The following PZP variants were observed in gnomAD, a reference collection of about 807,000 sequenced individuals.
PZP encodes pregnancy zone protein.
A neutral mutation model predicts 179.8 loss-of-function variants in PZP; 150 were observed. That is an observed-to-expected ratio of 0.83 (90% CI 0.73 to 0.96). The LOEUF (loss-of-function observed/expected upper bound fraction) is 0.96. Among genes scored for constraint, PZP ranks in the 40% least tolerant of loss-of-function variants. The probability of loss-of-function intolerance (pLI) is 0.00; values close to 1 mark genes in which losing one functional copy is unlikely to be tolerated. For synonymous variants in PZP, 624 were observed against 652.3 expected, an observed-to-expected ratio of 0.96 and a Z score of 0.66; for missense variants, 1,689 against 1,764.0, an observed-to-expected ratio of 0.96 and a Z score of 0.76.
At chr12:9,167,656 T>C (rs1236904890) in intron 17 of PZP, 2 of 152,226 alleles carry the variant, frequency 1.3e-5, no homozygotes, top group Non-Finnish European at 2.9e-5. Context: ...TCTTAGCTCT[T>C]TTATTTCCTC....
chr12:9,203,472 G>C (rs1944288951), intron 2 of PZP, among the ~76,000 whole-genome samples: 1 of 151,622 alleles, frequency 6.6e-6, no homozygotes, highest in East Asian at 1.9e-4. Context: ...CTCCCAGGTA[G>C]CTGGGACTAC....
chr12:9,167,298 T>C (rs889586582), intron 17 of PZP: 1 of 152,200 alleles, frequency 6.6e-6, no homozygotes, highest in East Asian at 1.9e-4. Context: ...TCAACTCCAT[T>C]TAGTGGACCA....
chr12:9,181,938 T>G, intron 14 of PZP, 37 bp downstream of exon 14: 1 of 1,603,424 alleles, frequency 6.2e-7, no homozygotes, highest in African/African-American at 1.3e-5. Context: ...CAGTATCATT[T>G]ATTTGTGTTC....
intron 16 of PZP, 55 bp from the exon 17 acceptor site, chr12:9,169,029 CATATT>C: frequency 7.7e-7 from 1 of 1,306,602 alleles, no homozygotes; most frequent in Admixed American, 1.7e-5. Flanking sequence ...ATATATAAAA[CATATT>C]ATCCTTAGAG....
chr12:9,181,849 A>G, intron 14 of PZP, 126 bp downstream of exon 14: 2 of 1,057,128 alleles, frequency 1.9e-6, no homozygotes, highest in Non-Finnish European at 2.7e-6. Flanking sequence ...GGTCTGCCAT[A>G]AACTTGTTGG....
chr12:9,187,248 A>C (rs1290420589), intron 13 of PZP, among the ~76,000 whole-genome samples: 1 of 152,150 alleles, frequency 6.6e-6, no homozygotes, highest in Non-Finnish European at 1.5e-5. Context: ...TAATATTGAG[A>C]AACTTCAACA....
chr12:9,166,016 C>T (rs1941557523), intron 18 of PZP, 36 bp downstream of exon 18: 2 of 1,574,936 alleles, frequency 1.3e-6, no homozygotes, highest in Non-Finnish European at 1.7e-6. Context: ...CACATTCCCT[C>T]CCCTCCAGCA....
chr12:9,166,177 T>G lies in PZP; in HGVS notation c.2133A>C (p.Pro711=), dbSNP rs1321238729. ...TATATGTGCCTAATTGAGGAACATA[T>G]GGTCTCTCTACTACTCCTAGACCTG... ...YGAGLGVVER[P]YVPQLGTYNV... is the part of the protein sequence containing the mutation. The change falls in exon 18 of 36, where the codon CCA becomes CCC. Residue 711 remains proline, a synonymous_variant. Coordinates refer to ENST00000261336, the MANE Select transcript of PZP (RefSeq NM_002864.3). The G allele has an allele frequency of 6.2e-7, 1 of 1,613,572 alleles. No individual in the cohort carries two copies. Among genetic ancestry groups the G allele is most frequent in the Non-Finnish European group, 8.5e-7 (1 of 1,179,838 alleles).
At chr12:9,201,246 T>A in intron 5 of PZP, 81 bp downstream of exon 5, 1 of 1,347,218 alleles carries the variant, frequency 7.4e-7, no homozygotes, top group Non-Finnish European at 1.0e-6. Context: ...TTAAAGTAGT[T>A]CATCTGTCTA....
intron 29 of PZP, among the ~76,000 whole-genome samples, chr12:9,153,555 T>C (rs1171133272): frequency 1.3e-5 from 2 of 152,268 alleles, no homozygotes; most frequent in Non-Finnish European, 2.9e-5. Flanking sequence ...TAATAATGTT[T>C]ATTAATGTCA....
intron 7 of PZP, among the ~76,000 whole-genome samples, 196 bp downstream of exon 7, chr12:9,200,168 T>C (rs1944070961): frequency 6.6e-6 from 1 of 152,200 alleles, no homozygotes; most frequent in Non-Finnish European, 1.5e-5. Context: ...AGATGTTTAT[T>C]GTTAAATCAT....
intron 13 of PZP, among the ~76,000 whole-genome samples, chr12:9,188,836 A>G (rs1314061565): frequency 1.3e-5 from 2 of 152,218 alleles, no homozygotes; most frequent in Non-Finnish European, 2.9e-5. Context: ...TGAAAGATCT[A>G]TACAATGAGA....
chr12:9,172,200 A>G (rs1330448463), intron 15 of PZP, among the ~76,000 whole-genome samples: 1 of 152,248 alleles, frequency 6.6e-6, no homozygotes, highest in Non-Finnish European at 1.5e-5. Flanking sequence ...ACATTCTAAA[A>G]GAAAATAATT....
intron 9 of PZP, 45 bp downstream of exon 9, chr12:9,196,526 A>T: frequency 6.3e-7 from 1 of 1,574,810 alleles, no homozygotes; most frequent in East Asian, 2.2e-5. Context: ...TTGTTATGGA[A>T]AGTAAACTAT....
Position 9,181,057 on chromosome 12 carries a change from A to G in PZP, c.1765T>C (p.Ser589Pro), listed in dbSNP as rs750687932. Residue 589 changes from serine to proline, a missense_variant, in exon 15 of 36, where the codon TCC becomes CCC. Physicochemically the swap from Ser to Pro is moderately conservative, Grantham distance 74 (BLOSUM62 -1). This residue lies in a region of PZP where 742 missense variants were observed against 730.5 expected (regional missense o/e 1.02). Coordinates refer to ENST00000261336, the MANE Select transcript of PZP (RefSeq NM_002864.3). Reference sequence around the variant, plus strand: ...TCCACAGCACGAAGGGCACAGAGGGACTGCGGAGCAGCTGCTACTTGCAGG... The same window carrying G: ...TCCACAGCACGAAGGGCACAGAGGGGCTGCGGAGCAGCTGCTACTTGCAGG... ...AHLQVAAAPQ[S>P]LCALRAVDQS... 1 of 1,614,152 alleles carries G rather than the reference A, an allele frequency of 6.2e-7. No homozygotes were observed. The highest frequency in any genetic ancestry group is 1.7e-5 in the Admixed American group (1 of 60,018).
At position 9,153,334 on chromosome 12, in the gene PZP, C is replaced by T; in HGVS notation, c.3784G>A (p.Val1262Met). ...TACCTGGACAGGGCATGGAGAGCCA[C>T]CACTGTGTCCTGGAAGAGACGAGTG... is the stretch of plus-strand genomic sequence containing the variant. ...GGFSSTQDTVVALHALSRYGA... is the reference protein window; with the variant it reads ...GGFSSTQDTVMALHALSRYGA... Residue 1262 changes from valine (V) to methionine (M), a missense_variant, in exon 30 of 36, where the codon GTG (valine) becomes ATG (methionine). Physicochemically the swap from Val to Met is conservative, Grantham distance 21 (BLOSUM62 1). Coordinates refer to ENST00000261336, the MANE Select transcript of PZP (RefSeq NM_002864.3). 6.2e-7 allele frequency: 1 copy of T among 1,613,726 alleles called. No individual in the cohort carries two copies. The highest frequency in any genetic ancestry group is 8.5e-7 in the Non-Finnish European group (1 of 1,179,770).
At position 9,203,895 on chromosome 12, in the gene PZP, C is replaced by T. The variant is rs369358719; in HGVS notation, c.140G>A (p.Cys47Tyr). The part of the protein sequence containing the change: ...LLHTEAPKKG[C>Y]VLLSHLNETV... ...CTCATTCAGGTGGCTCAGAAGGACA[C>T]AGCCCTTCTTAGGGGCCTCAGTGTG... is the stretch of plus-strand genomic sequence containing the variant. Residue 47 changes from cysteine (C) to tyrosine (Y), a missense_variant, in exon 2 of 36, where the codon TGT (cysteine) becomes TAT (tyrosine). Cys to Tyr is a radical substitution (Grantham distance 194, BLOSUM62 -2). Around this residue, in one of 3 missense-constraint regions of PZP, gnomAD observed 742 missense variants for 730.5 expected, o/e 1.02. Transcript: ENST00000261336. 4 of 1,614,062 alleles carry T rather than the reference C, an allele frequency of 2.5e-6. No homozygotes were observed. The highest frequency in any genetic ancestry group is 3.4e-6 in the Non-Finnish European group (4 of 1,179,936).
chr12:9,192,884 A>T (rs1565658856), intron 11 of PZP, 145 bp from the exon 12 acceptor site: 2 of 555,028 alleles, frequency 3.6e-6, no homozygotes, highest in South Asian at 3.0e-5. Context: ...CAAATAAATG[A>T]ATTTTCAGTC....
At chr12:9,206,967 A>G (rs913395621) in intron 1 of PZP, among the ~76,000 whole-genome samples, 2 of 152,106 alleles carry the variant, frequency 1.3e-5, no homozygotes, top group Admixed American at 1.3e-4. Flanking sequence ...CTGGATGGAG[A>G]GCAGCTGGAA....
Sources: gnomAD v4.1 joint callset for allele counts (sites outside exome capture counted in the v4.1 genomes callset) on GRCh38, gnomAD v4.1.1 for gene constraint, gnomAD v4.1.1 regional missense constraint, MANE v1.5 for transcripts, NCBI Gene and HGNC (gene_info 2026-07-23, HGNC 2026-07-21) for gene names.